Variants in VPS13A observed in about 807,000 individuals in gnomAD.
VPS13A encodes the protein intermembrane lipid transfer protein VPS13A.
VPS13A carries 264 observed loss-of-function variants against 390.9 expected under a neutral mutation model. That is an observed-to-expected ratio of 0.68 (90% CI 0.61 to 0.75). The LOEUF is 0.75. Ranked by LOEUF, VPS13A falls within the 30% of genes least tolerant of loss-of-function variation. VPS13A has a pLI of 0.00. For missense variants in VPS13A, 3,409 were observed against 3,733.9 expected (o/e 0.91, Z 2.27); for synonymous variants, 1,231 against 1,227.1 (o/e 1.00, Z -0.07).
intron 42 of VPS13A, 58 bp downstream of exon 42, chr9:77,319,731 A>T: frequency 1.0e-6 from 1 of 999,270 alleles, no homozygotes; most frequent in Non-Finnish European, 1.4e-6. Flanking sequence ...AAAAGACTTT[A>T]TTTTTTTAAG....
At chr9:77,350,895 A>T (rs1831428113) in intron 52 of VPS13A, 1 of 175,418 alleles carries the variant, frequency 5.7e-6, no homozygotes, top group Admixed American at 5.7e-5. Context: ...AATTTCTTAG[A>T]TGTGTATTTC....
At chr9:77,372,901 T>C (rs915476316) in intron 67 of VPS13A, among the ~76,000 whole-genome samples, 31 of 151,906 alleles carry the variant, frequency 2.0e-4, no homozygotes, top group Admixed American at 1.1e-3. Flanking sequence ...TCAAAGAGAA[T>C]AAAATACCTA....
At chr9:77,342,753 A>G (rs1830904971) in intron 50 of VPS13A, among the ~76,000 whole-genome samples, 1 of 152,166 alleles carries the variant, frequency 6.6e-6, no homozygotes, top group Non-Finnish European at 1.5e-5. Context: ...AATGTGAAAC[A>G]CTTCTGGTAC....
At chr9:77,293,601 G>C in intron 32 of VPS13A, 93 bp downstream of exon 32, 1 of 756,554 alleles carries the variant, frequency 1.3e-6, no homozygotes, top group Non-Finnish European at 1.9e-6. Context: ...TTCCTTGCTT[G>C]AGATTTTTTC....
intron 31 of VPS13A, among the ~76,000 whole-genome samples, chr9:77,291,605 C>T (rs931012614): frequency 2.6e-5 from 4 of 152,090 alleles, no homozygotes; most frequent in East Asian, 1.9e-4. Flanking sequence ...GATTTTGCTC[C>T]GTGCTGAGCC....
chr9:77,394,814 C>A (rs1013371378), intron 68 of VPS13A, among the ~76,000 whole-genome samples: 1 of 152,204 alleles, frequency 6.6e-6, no homozygotes, highest in African/African-American at 2.4e-5. Context: ...GAGGTGAATT[C>A]TTTCCTTAAA....
intron 1 of VPS13A, among the ~76,000 whole-genome samples, chr9:77,193,414 A>G (rs1824800694): frequency 6.6e-6 from 1 of 152,110 alleles, no homozygotes; most frequent in Non-Finnish European, 1.5e-5. Flanking sequence ...CGGGCGGATC[A>G]CTTGAGGTCA....
intron 21 of VPS13A, among the ~76,000 whole-genome samples, chr9:77,250,721 C>T (rs774829752): frequency 5.3e-5 from 8 of 152,168 alleles, no homozygotes; most frequent in African/African-American, 7.2e-5. Context: ...CATACAAAGA[C>T]GAGGGTCACT....
rs879392327 is a variant in VPS13A at position 77,214,191 on chromosome 9, G to GC, written c.697-137dup. 3.4e-5 allele frequency: 24 copies of GC among 702,846 alleles called. No individual in the cohort carries two copies. The Admixed American group carries it at 5.1e-4, about 15-fold the overall frequency. 43.5% of individuals were successfully genotyped at this position (702,846 alleles called of 1,614,324 possible). ...CTCGGGAGGCTGAGGCAGGAGAATC[G>GC]CATGAGTCCATGAGACAGGGGTTGC... On this transcript the variant is annotated intron_variant, in intron 9 of 71. Transcript: ENST00000360280.
At chr9:77,197,958 CAT>C (rs1825099953) in intron 1 of VPS13A, among the ~76,000 whole-genome samples, 1 of 152,120 alleles carries the variant, frequency 6.6e-6, no homozygotes, top group South Asian at 2.1e-4. Context: ...AACAGTAAGA[CAT>C]ATGAGGTACC....
intron 1 of VPS13A, among the ~76,000 whole-genome samples, chr9:77,187,166 G>T (rs1307796755): frequency 6.6e-6 from 1 of 152,158 alleles, no homozygotes; most frequent in African/African-American, 2.4e-5. Flanking sequence ...CCTTTTGGCT[G>T]TTGTGAATAA....
chr9:77,214,201 A>C (rs1822710585), intron 9 of VPS13A, 128 bp from the exon 10 acceptor site: 1 of 774,542 alleles, frequency 1.3e-6, no homozygotes, highest in Non-Finnish European at 2.3e-6. Flanking sequence ...GCATGAGTCC[A>C]TGAGACAGGG....
At chr9:77,313,153 G>A (rs1383414468) in intron 35 of VPS13A, among the ~76,000 whole-genome samples, 1 of 152,132 alleles carries the variant, frequency 6.6e-6, no homozygotes, top group Admixed American at 6.5e-5. Flanking sequence ...TTGACTGAAA[G>A]AAGCCACACA....
chr9:77,336,998 C>T (rs1021514770), intron 46 of VPS13A, among the ~76,000 whole-genome samples: 14 of 151,674 alleles, frequency 9.2e-5, no homozygotes, highest in African/African-American at 3.4e-4. Context: ...GGGGTTTCAC[C>T]GTCTTAGCCA....
chr9:77,330,608 A>G (rs1382124693), intron 45 of VPS13A, among the ~76,000 whole-genome samples: 1 of 152,206 alleles, frequency 6.6e-6, no homozygotes, highest in African/African-American at 2.4e-5. Flanking sequence ...ATTTGGAATT[A>G]TATTTATAAT....
At chr9:77,381,329 A>T (rs1833424349) in intron 67 of VPS13A, among the ~76,000 whole-genome samples, 1 of 152,076 alleles carries the variant, frequency 6.6e-6, no homozygotes, top group South Asian at 2.1e-4. Context: ...GGATTGGGGT[A>T]TGTGTTTACA....
At chr9:77,344,713 C>T (rs966346528) in intron 51 of VPS13A, among the ~76,000 whole-genome samples, 2 of 151,206 alleles carry the variant, frequency 1.3e-5, no homozygotes, top group Admixed American at 6.6e-5. Flanking sequence ...GAGCCGAGAT[C>T]GCGCCACTGC....
At chr9:77,408,890 G>C (rs1015586306) in intron 71 of VPS13A, among the ~76,000 whole-genome samples, 1 of 152,230 alleles carries the variant, frequency 6.6e-6, no homozygotes, top group Non-Finnish European at 1.5e-5. Context: ...CCAAACAAAA[G>C]GCAGCAGAAT....
chr9:77,353,459 A>G lies in VPS13A; in HGVS notation c.7470A>G (p.Ser2490=). 6.2e-7 allele frequency: 1 copy of G among 1,611,370 alleles called. No homozygotes were observed. The change falls in exon 54 of 72, where the codon TCA becomes TCG. Residue 2490 remains serine (S), a synonymous_variant. Transcript: ENST00000360280. Reference sequence around the variant, plus strand: ...GGGAAAAGACAATATATTTAGTTTCATTCTTTGAAGGTTTACAACGCATTA... The same window carrying G: ...GGGAAAAGACAATATATTTAGTTTCGTTCTTTGAAGGTTTACAACGCATTA... ...DLGEKTIYLV[S]FFEGLQRIIL...
Sources: gnomAD v4.1 joint callset for allele counts (sites outside exome capture counted in the v4.1 genomes callset) on GRCh38, gnomAD v4.1.1 for gene constraint, MANE v1.5 for transcripts, NCBI Gene and HGNC (gene_info 2026-07-23, HGNC 2026-07-21) for gene names.